ZNF609: variants seen among roughly 807,000 people sequenced by gnomAD.
The protein encoded by ZNF609 is zinc finger protein 609.
In ZNF609, 11 loss-of-function variants were observed where a neutral mutation model predicts 109.5. The observed-to-expected ratio is 0.10, with a 90% CI of 0.06 to 0.17. ZNF609 has a LOEUF of 0.17. ZNF609 is among the 10% of genes least tolerant of loss of function. The pLI is 1.00. For synonymous variants in ZNF609, 646 were observed against 662.0 expected (o/e 0.98, Z 0.37); for missense variants, 1,559 against 1,772.4 (o/e 0.88, Z 2.16).
chr15:64,580,666 C>T (rs1000152775), intron 2 of ZNF609, among the ~76,000 whole-genome samples: 14 of 151,754 alleles, frequency 9.2e-5, no homozygotes, highest in Admixed American at 1.3e-4. Context: ...CTCAGCCTCC[C>T]GAGTAACTGG....
chr15:64,567,286 C>A (rs1894790798), intron 2 of ZNF609, among the ~76,000 whole-genome samples: 1 of 151,880 alleles, frequency 6.6e-6, no homozygotes. Context: ...GAGATCGAGA[C>A]CATCTGGCCA....
chr15:64,511,686 C>G (rs1197177668), intron 2 of ZNF609, among the ~76,000 whole-genome samples: 1 of 150,344 alleles, frequency 6.7e-6, no homozygotes, highest in Non-Finnish European at 1.5e-5. Context: ...TGGATAAAAT[C>G]TTTGTGGCTG....
intron 2 of ZNF609, among the ~76,000 whole-genome samples, chr15:64,617,577 C>T (rs758898614): frequency 1.3e-5 from 2 of 151,666 alleles, no homozygotes; most frequent in Non-Finnish European, 2.9e-5. Flanking sequence ...GTCAGGAGTT[C>T]GAGACCAGCC....
chr15:64,642,630 C>G (rs777809717), intron 3 of ZNF609, among the ~76,000 whole-genome samples: 1 of 152,030 alleles, frequency 6.6e-6, no homozygotes, highest in Non-Finnish European at 1.5e-5. Context: ...CTCTTCTCTA[C>G]CAAAAATCAA....
intron 2 of ZNF609, among the ~76,000 whole-genome samples, chr15:64,541,713 G>A (rs1215326277): frequency 4.0e-5 from 6 of 150,844 alleles, no homozygotes; most frequent in African/African-American, 1.2e-4. Flanking sequence ...CGTGGTGGGC[G>A]CCTGTAGTCC....
chr15:64,592,919 A>G (rs982509238), intron 2 of ZNF609: 35 of 787,694 alleles, frequency 4.4e-5, no homozygotes, highest in Admixed American at 1.8e-4. Flanking sequence ...GTCTCAAAAA[A>G]TTACATAAAT....
intron 1 of ZNF609, among the ~76,000 whole-genome samples, chr15:64,461,886 G>C (rs1357727622): frequency 6.6e-6 from 1 of 152,152 alleles, no homozygotes; most frequent in African/African-American, 2.4e-5. Context: ...TTTCACCCCT[G>C]CTGCTTTGTC....
chr15:64,568,359 C>G (rs571236704), intron 2 of ZNF609, among the ~76,000 whole-genome samples: 58 of 152,304 alleles, frequency 3.8e-4, no homozygotes, highest in Middle Eastern at 3.4e-3. Flanking sequence ...TCATGTACCT[C>G]ATGCCCAGCA....
chr15:64,496,410 T>TA (rs1893483466), intron 1 of ZNF609, among the ~76,000 whole-genome samples: 1 of 152,172 alleles, frequency 6.6e-6, no homozygotes, highest in South Asian at 2.1e-4. Context: ...GAGTAACCCT[T>TA]AGATTAATGT....
intron 2 of ZNF609, among the ~76,000 whole-genome samples, chr15:64,582,723 CTTTTTTTT>C (rs538806936): frequency 1.1e-5 from 1 of 88,814 alleles, no homozygotes; most frequent in Non-Finnish European, 2.0e-5. Context: ...TTTCTTTTTT[CTTTTTTTT>C]TTTTTTTGAG....
Position 64,682,312 on chromosome 15 carries a change from T to C in ZNF609, c.*626T>C, listed in dbSNP as rs1054505449. 33 of 152,620 alleles carry C rather than the reference T, an allele frequency of 2.2e-4. 1 individual carries two copies. The highest frequency in any genetic ancestry group is 2.9e-5 in the Non-Finnish European group (2 of 68,038). The allele number at this position is 152,620 out of a possible 1,614,324, so 9.5% of individuals were successfully genotyped here. Reference sequence around the variant, plus strand: ...ACTTCTCCCCATTTACATGAGCACATATAAACGCTCACAACCTAGCCTGGA... The same window carrying C: ...ACTTCTCCCCATTTACATGAGCACACATAAACGCTCACAACCTAGCCTGGA... On this transcript the variant is annotated 3_prime_UTR_variant, in exon 10 of 10. Transcript: ENST00000326648.
rs1299234060 is a variant in ZNF609 at position 64,470,926 on chromosome 15, G to A, written c.-128+10088G>A. Among the ~76,000 whole-genome samples the A allele has an allele frequency of 3.9e-5, 6 of 152,266 alleles. No individual in the cohort carries two copies. The South Asian group carries it at 6.2e-4, about 16-fold the overall frequency. ...AGTTAATTATTTGATCTGGGACTTC[G>A]AGTAGCAGCTATTAATACTTATTGA... On this transcript the variant is annotated intron_variant, in intron 1 of 9. Transcript: ENST00000326648.
At chr15:64,470,194 G>A (rs1247011200) in intron 1 of ZNF609, 1 of 152,154 alleles carries the variant, frequency 6.6e-6, no homozygotes, top group Non-Finnish European at 1.5e-5. Context: ...ACAAAAGTGT[G>A]CCACCATGCT....
intron 2 of ZNF609, among the ~76,000 whole-genome samples, chr15:64,594,335 A>G (rs1011398664): frequency 5.5e-5 from 8 of 145,166 alleles, no homozygotes; most frequent in Non-Finnish European, 1.2e-4. Flanking sequence ...AATGCTCAAA[A>G]TTTTTTTTTT....
chr15:64,680,956 C>T, intron 8 of ZNF609, 94 bp downstream of exon 8: 1 of 1,388,256 alleles, frequency 7.2e-7, no homozygotes, highest in Non-Finnish European at 9.8e-7. Context: ...GACCCTCCTA[C>T]CTGCCTCATA....
chr15:64,630,546 T>C (rs1016955073), intron 3 of ZNF609, among the ~76,000 whole-genome samples: 22 of 152,280 alleles, frequency 1.4e-4, no homozygotes, highest in African/African-American at 4.8e-5. Context: ...TACTACCATA[T>C]AAGTCCCTTG....
intron 2 of ZNF609, among the ~76,000 whole-genome samples, chr15:64,525,725 T>A (rs1893959368): frequency 6.6e-6 from 1 of 152,180 alleles, no homozygotes; most frequent in African/African-American, 2.4e-5. Flanking sequence ...TCCATTTATT[T>A]ATAACTTCTT....
At chr15:64,605,058 C>G (rs1895572294) in intron 2 of ZNF609, among the ~76,000 whole-genome samples, 1 of 152,082 alleles carries the variant, frequency 6.6e-6, no homozygotes, top group South Asian at 2.1e-4. Flanking sequence ...GTCTTGATCT[C>G]CTGACCTCGT....
In ZNF609 at chr15:64,634,013, C is replaced by T. The variant is rs538659925; in HGVS notation, c.973+10961C>T. On this transcript the variant is annotated intron_variant, in intron 3 of 9. Transcript: ENST00000326648. ...TAAATAGCCATATGTTAACTAGTGG[C>T]TTATGGTATTGACAGCACAGGGGCT... Among the ~76,000 whole-genome samples the T allele has an allele frequency of 4.6e-5, 7 of 151,960 alleles. No homozygotes were observed. In the East Asian group the frequency reaches 1.4e-3, roughly 29 times the overall value.
Sources: gnomAD v4.1 joint callset for allele counts (sites outside exome capture counted in the v4.1 genomes callset) on GRCh38, gnomAD v4.1.1 for gene constraint, MANE v1.5 for transcripts, NCBI Gene and HGNC (gene_info 2026-07-23, HGNC 2026-07-21) for gene names.